TNNI3K: variants seen among roughly 807,000 people sequenced by gnomAD.
TNNI3K encodes serine/threonine-protein kinase TNNI3K.
TNNI3K carries 140 observed loss-of-function variants against 114.5 expected under a neutral mutation model. The observed-to-expected ratio is 1.22, with a 90% CI of 1.07 to 1.41. TNNI3K has a LOEUF of 1.41. Among genes scored for constraint, TNNI3K ranks in the 40% most tolerant of loss-of-function variants. The pLI is 0.00. For synonymous variants in TNNI3K, 347 were observed against 347.5 expected (o/e 1.00, Z 0.02); for missense variants, 1,125 against 1,007.6 (o/e 1.12, Z -1.58).
chr1:74,290,684 T>C (rs149063851), intron 5 of TNNI3K, among the ~76,000 whole-genome samples: 4 of 151,960 alleles, frequency 2.6e-5, no homozygotes, highest in African/African-American at 9.6e-5. Context: ...TTAAGCTTTG[T>C]TGTGACACTC....
At chr1:74,295,262 G>A (rs996782234) in intron 5 of TNNI3K, among the ~76,000 whole-genome samples, 2 of 151,958 alleles carry the variant, frequency 1.3e-5, no homozygotes, top group African/African-American at 4.8e-5. Flanking sequence ...AATTTGGTGA[G>A]GCTTGCTTTA....
At chr1:74,239,130 G>C (rs1654034600) in intron 2 of TNNI3K, among the ~76,000 whole-genome samples, 1 of 152,096 alleles carries the variant, frequency 6.6e-6, no homozygotes. Context: ...AACTGGTGTG[G>C]TCTAAAGAGA....
intron 23 of TNNI3K, among the ~76,000 whole-genome samples, chr1:74,506,672 G>A (rs1159032453): frequency 2.0e-5 from 3 of 152,172 alleles, no homozygotes; most frequent in Admixed American, 6.5e-5. Context: ...CGGACCTGCC[G>A]AATCTGCATT....
chr1:74,288,297 C>G (rs961241494), intron 5 of TNNI3K, among the ~76,000 whole-genome samples: 14 of 152,120 alleles, frequency 9.2e-5, no homozygotes, highest in African/African-American at 3.4e-4. Context: ...CTATTGCTCT[C>G]TCATTCGTAT....
At chr1:74,471,924 A>G (rs1357057835) in intron 21 of TNNI3K, 1 of 495,804 alleles carries the variant, frequency 2.0e-6, no homozygotes, top group Non-Finnish European at 3.6e-6. Flanking sequence ...TGTTTGGCTG[A>G]AAATACCTAG....
At chr1:74,275,430 C>T (rs1656621995) in intron 5 of TNNI3K, among the ~76,000 whole-genome samples, 1 of 152,038 alleles carries the variant, frequency 6.6e-6, no homozygotes, top group Non-Finnish European at 1.5e-5. Flanking sequence ...CCACTTTGTC[C>T]CTCCCACAAC....
At chr1:74,364,756 A>G (rs997003248) in intron 11 of TNNI3K, among the ~76,000 whole-genome samples, 6 of 152,004 alleles carry the variant, frequency 3.9e-5, no homozygotes, top group Non-Finnish European at 7.4e-5. Flanking sequence ...TAAGCCAACC[A>G]TTGCTGGCTT....
intron 5 of TNNI3K, among the ~76,000 whole-genome samples, chr1:74,330,392 A>G (rs115247501): frequency 6.6e-6 from 1 of 152,250 alleles, no homozygotes; most frequent in Non-Finnish European, 1.5e-5. Flanking sequence ...GAATCTATAT[A>G]AGAAACTTTG....
chr1:74,275,033 C>T (rs45455294), intron 5 of TNNI3K, among the ~76,000 whole-genome samples: 7 of 151,984 alleles, frequency 4.6e-5, no homozygotes, highest in Non-Finnish European at 7.4e-5. Flanking sequence ...GCTGAACCAT[C>T]GTAAGTTAGG....
chr1:74,369,109 G>T lies in TNNI3K; in HGVS notation c.1409G>T (p.Gly470Val), dbSNP rs1419520999. The T allele has an allele frequency of 1.2e-6, 2 of 1,607,968 alleles. No homozygotes were observed. Among genetic ancestry groups the T allele is most frequent in the African/African-American group, 1.3e-5 (1 of 74,608 alleles). Reference sequence around the variant, plus strand: ...GAAATTGAGTTCCATGAGATTATTGGCTCAGGTAACCTAAAATAAATAAAT... The same window carrying T: ...GAAATTGAGTTCCATGAGATTATTGTCTCAGGTAACCTAAAATAAATAAAT... ...LSEIEFHEII[G>V]SGSFGKVYKG... The change falls in exon 14 of 25, where the codon GGC (glycine) becomes GTC (valine). Residue 470 changes from glycine to valine, a missense_variant. Physicochemically the swap from Gly to Val is moderately radical, Grantham distance 109 (BLOSUM62 -3). Coordinates refer to ENST00000326637, the MANE Select transcript of TNNI3K (RefSeq NM_015978.3).
intron 9 of TNNI3K, among the ~76,000 whole-genome samples, chr1:74,343,555 A>T (rs1219869176): frequency 6.6e-6 from 1 of 152,320 alleles, no homozygotes; most frequent in South Asian, 2.1e-4. Flanking sequence ...GAATCTCATT[A>T]CCAGAATTCA....
intron 17 of TNNI3K, among the ~76,000 whole-genome samples, chr1:74,433,889 T>G (rs792884): frequency 0.8 from 121,380 of 151,898 alleles, 48,708 homozygotes; most frequent in Middle Eastern, 0.88. Flanking sequence ...TTATTGCTCT[T>G]TAGTTAGAAG....
At chr1:74,429,587 A>G (rs1470273607) in intron 17 of TNNI3K, among the ~76,000 whole-genome samples, 1 of 152,106 alleles carries the variant, frequency 6.6e-6, no homozygotes, top group African/African-American at 2.4e-5. Flanking sequence ...CACCAAGGTA[A>G]GACTCCCCAG....
chr1:74,456,956 G>A (rs964786804), intron 20 of TNNI3K, among the ~76,000 whole-genome samples: 1 of 152,004 alleles, frequency 6.6e-6, no homozygotes, highest in African/African-American at 2.4e-5. Flanking sequence ...TCTCATATTG[G>A]TAGCCATTTG....
chr1:74,260,569 T>C (rs1655602248), intron 4 of TNNI3K, among the ~76,000 whole-genome samples: 1 of 152,178 alleles, frequency 6.6e-6, no homozygotes, highest in Admixed American at 6.5e-5. Context: ...AAACAAATCA[T>C]ATGCAGTACT....
intron 5 of TNNI3K, among the ~76,000 whole-genome samples, chr1:74,318,532 T>C (rs1659441389): frequency 6.6e-6 from 1 of 152,242 alleles, no homozygotes; most frequent in Non-Finnish European, 1.5e-5. Context: ...TGCCAGTGGA[T>C]GAGCAAATGT....
chr1:74,383,365 G>T (rs891018403), intron 17 of TNNI3K, among the ~76,000 whole-genome samples: 2 of 151,892 alleles, frequency 1.3e-5, no homozygotes, highest in Non-Finnish European at 2.9e-5. Flanking sequence ...GCCTTCATCT[G>T]AAAAGCTTCA....
At position 74,520,330 on chromosome 1, in the gene TNNI3K, C is replaced by T. The variant is rs1461859853; in HGVS notation, c.2352-19904C>T. ...TACACGTACAGAATTGAAGTGACCT[C>T]GCTTCCGACTTTTCTGAAGAATTTG... On this transcript the variant is annotated intron_variant, in intron 23 of 24. Transcript: ENST00000326637. 3.9e-5 allele frequency among the ~76,000 whole-genome samples: 6 copies of T among 152,110 alleles called. No homozygotes were observed. The East Asian group carries it at 7.7e-4, about 20-fold the overall frequency.
intron 23 of TNNI3K, among the ~76,000 whole-genome samples, chr1:74,520,484 C>T (rs1646416497): frequency 6.6e-6 from 1 of 151,886 alleles, no homozygotes; most frequent in South Asian, 2.1e-4. Flanking sequence ...CCCATCCATC[C>T]ATCTGTTTCC....
Sources: allele counts gnomAD v4.1 joint callset (sites outside exome capture counted in the v4.1 genomes callset), GRCh38; gene constraint gnomAD v4.1.1; transcripts MANE v1.5; gene names NCBI Gene and HGNC (gene_info 2026-07-23, HGNC 2026-07-21).